SEC24B: variants seen among roughly 807,000 people sequenced by gnomAD.
SEC24B encodes the protein protein transport protein Sec24B.
Under a neutral mutation model 142.8 loss-of-function variants are expected in SEC24B, and 45 were observed. That is an observed-to-expected ratio of 0.32 (90% CI 0.25 to 0.40). The LOEUF (loss-of-function observed/expected upper bound fraction) is 0.40, where lower values mean the gene tolerates loss of function less well. Ranked by LOEUF, SEC24B falls within the 10% of genes least tolerant of loss-of-function variation. The pLI is 1.00. For synonymous variants in SEC24B, 574 were observed against 568.2 expected (o/e 1.01, Z -0.15); for missense variants, 1,409 against 1,526.8 (o/e 0.92, Z 1.29).
chr4:109,518,772 CTTGTTGTTGGT>C (rs1723258457), intron 11 of SEC24B, among the ~76,000 whole-genome samples: 1 of 145,454 alleles, frequency 6.9e-6, no homozygotes, highest in African/African-American at 2.5e-5. Flanking sequence ...GATTGGTTGG[CTTGTTGTTGGT>C]TTGTTGTTGA....
chr4:109,496,160 T>TGG, intron 6 of SEC24B, among the ~76,000 whole-genome samples: 1 of 152,162 alleles, frequency 6.6e-6, no homozygotes, highest in South Asian at 2.1e-4. Context: ...CTGCCTAGGC[T>TGG]GGAGTGCAGT....
chr4:109,533,725 AT>A (rs759271308), intron 22 of SEC24B, 40 bp downstream of exon 22: 1,185 of 1,047,344 alleles, frequency 1.1e-3, no homozygotes, highest in African/African-American at 4.2e-3. Context: ...TTGTTTGCTC[AT>A]TTTTTTTTAT....
At chr4:109,465,990 G>A (rs1731812396) in intron 2 of SEC24B, among the ~76,000 whole-genome samples, 1 of 151,850 alleles carries the variant, frequency 6.6e-6, no homozygotes, top group African/African-American at 2.4e-5. Context: ...CTTTTTAATT[G>A]AAGTTCAGAG....
At chr4:109,498,833 T>A (rs1735808425) in intron 6 of SEC24B, among the ~76,000 whole-genome samples, 1 of 152,122 alleles carries the variant, frequency 6.6e-6, no homozygotes, top group East Asian at 1.9e-4. Flanking sequence ...AGATGACTTA[T>A]TAAGTAGTGG....
intron 1 of SEC24B, among the ~76,000 whole-genome samples, chr4:109,452,182 T>C (rs764713660): frequency 3.3e-5 from 5 of 152,190 alleles, no homozygotes; most frequent in Non-Finnish European, 5.9e-5. Flanking sequence ...CGGAACCATA[T>C]AATATGTAGC....
At position 109,433,842 on chromosome 4, in the gene SEC24B, C is replaced by T. The variant is rs1213429057; in HGVS notation, c.-28C>T. 3 of 1,279,854 alleles carry T rather than the reference C, an allele frequency of 2.3e-6. No homozygotes were observed. The highest frequency in any genetic ancestry group is 3.9e-5 in the Admixed American group (1 of 25,406). 79.3% of individuals were successfully genotyped at this position (1,279,854 alleles called of 1,614,324 possible). A position where few individuals can be genotyped will look rare whatever the true frequency, so the allele number is the denominator to read the frequency against. ...CTTCCCTCCGCCCACCTCCCTGAAG[C>T]GGAGCCGCCGTCGCCACCAGCGCCG... On this transcript the variant is annotated 5_prime_UTR_variant, in exon 1 of 24. Transcript: ENST00000265175.
intron 11 of SEC24B, among the ~76,000 whole-genome samples, chr4:109,518,618 T>C (rs1366947254): frequency 6.6e-6 from 1 of 152,128 alleles, no homozygotes; most frequent in African/African-American, 2.4e-5. Flanking sequence ...AATTGAGAGA[T>C]ATTGAGAGAT....
intron 18 of SEC24B, among the ~76,000 whole-genome samples, chr4:109,529,172 G>A (rs1724612952): frequency 6.6e-6 from 1 of 151,160 alleles, no homozygotes; most frequent in South Asian, 2.1e-4. Flanking sequence ...CGGGGGTGGG[G>A]GGAAAAAGAA....
chr4:109,482,979 T>TACATACACAC (rs1554001100), intron 4 of SEC24B, among the ~76,000 whole-genome samples: 1 of 26,418 alleles, frequency 3.8e-5, no homozygotes, highest in Non-Finnish European at 7.5e-5. Context: ...TATATATATA[T>TACATACACAC]ACACACACAC....
At chr4:109,527,871 CAG>C (rs1724427955) in intron 18 of SEC24B, among the ~76,000 whole-genome samples, 1 of 152,092 alleles carries the variant, frequency 6.6e-6, no homozygotes, top group Non-Finnish European at 1.5e-5. Flanking sequence ...CATTGTGAAT[CAG>C]ACTGTCCTCA....
intron 15 of SEC24B, 122 bp from the exon 16 acceptor site, chr4:109,525,224 A>G: frequency 1.2e-6 from 1 of 839,450 alleles, no homozygotes; most frequent in Non-Finnish European, 1.7e-6. Context: ...GTATGTTCTT[A>G]TTTTGATGGC....
At chr4:109,485,470 C>T (rs1476319707) in intron 4 of SEC24B, among the ~76,000 whole-genome samples, 3 of 152,110 alleles carry the variant, frequency 2.0e-5, no homozygotes, top group Non-Finnish European at 2.9e-5. Context: ...GGGCACATGA[C>T]GGTAGTCACT....
At chr4:109,496,472 C>A (rs1215330745) in intron 6 of SEC24B, among the ~76,000 whole-genome samples, 7 of 151,842 alleles carry the variant, frequency 4.6e-5, no homozygotes, top group African/African-American at 1.7e-4. Context: ...TCTCAGTTGA[C>A]TAACCTTATA....
chr4:109,491,526 A>T, intron 5 of SEC24B, 119 bp downstream of exon 5: 1 of 708,010 alleles, frequency 1.4e-6, no homozygotes, highest in Non-Finnish European at 2.3e-6. Context: ...GAAAAAAAGG[A>T]CATTTTTCTG....
intron 17 of SEC24B, 149 bp downstream of exon 17, chr4:109,526,548 T>C: frequency 1.8e-6 from 1 of 542,532 alleles, no homozygotes. Flanking sequence ...GTTATTTTCT[T>C]TCTTTTTTTA....
chr4:109,465,387 T>C (rs1578812738), intron 2 of SEC24B, among the ~76,000 whole-genome samples: 1 of 152,192 alleles, frequency 6.6e-6, no homozygotes, highest in East Asian at 1.9e-4. Flanking sequence ...GTGAAACACA[T>C]CTAAATTTTA....
At chr4:109,518,803 CTTTTT>C (rs770507485) in intron 11 of SEC24B, among the ~76,000 whole-genome samples, 1 of 117,888 alleles carries the variant, frequency 8.5e-6, no homozygotes, top group South Asian at 2.8e-4. Flanking sequence ...ATGTTTCTGT[CTTTTT>C]TTTTTTTTTT....
intron 1 of SEC24B, among the ~76,000 whole-genome samples, chr4:109,456,340 T>TTTG (rs1553995203): frequency 6.7e-6 from 1 of 149,656 alleles, no homozygotes; most frequent in African/African-American, 2.4e-5. Context: ...TTTTGTTTTT[T>TTTG]TTTTTTTTTT....
intron 8 of SEC24B, among the ~76,000 whole-genome samples, chr4:109,510,580 T>C (rs1179784221): frequency 1.3e-5 from 2 of 152,204 alleles, no homozygotes; most frequent in Non-Finnish European, 2.9e-5. Flanking sequence ...CGGAGTTCTT[T>C]ATTAAACACA....
Sources: allele counts gnomAD v4.1 joint callset (sites outside exome capture counted in the v4.1 genomes callset), GRCh38; gene constraint gnomAD v4.1.1; transcripts MANE v1.5; gene names NCBI Gene and HGNC (gene_info 2026-07-23, HGNC 2026-07-21).